C22orf31: variants seen among roughly 807,000 people sequenced by gnomAD.
C22orf31 encodes uncharacterized protein C22orf31.
Under a neutral mutation model 15.0 loss-of-function variants are expected in C22orf31, and 11 were observed. That is an observed-to-expected ratio of 0.73 (90% CI 0.46 to 1.21). The LOEUF (loss-of-function observed/expected upper bound fraction) is 1.21, where lower values mean the gene tolerates loss of function less well. C22orf31 is among the 50% of genes most tolerant of loss of function. The pLI, the probability that C22orf31 is intolerant of heterozygous loss-of-function variation, is 0.00. For synonymous variants in C22orf31, 132 were observed against 133.3 expected, an observed-to-expected ratio of 0.99 and a Z score of 0.07; for missense variants, 340 against 347.2, an observed-to-expected ratio of 0.98 and a Z score of 0.17.
At position 29,058,967 on chromosome 22, in the gene C22orf31, C is replaced by T. The variant is rs1452341634; in HGVS notation, c.648G>A (p.Leu216=). 5 of 1,613,976 alleles carry T rather than the reference C, an allele frequency of 3.1e-6. No individual in the cohort carries two copies. The highest frequency in any genetic ancestry group is 2.7e-5 in the African/African-American group (2 of 74,934). ...HGLPTEGYQA[L]YHAVVEPMLW... is the part of the protein sequence containing the mutation. ...GCATTGGCTCCACCACAGCGTGGTACAGAGCCTGGTAACCCTCTGTGGGGA... is the reference window on the plus strand; with the variant it reads ...GCATTGGCTCCACCACAGCGTGGTATAGAGCCTGGTAACCCTCTGTGGGGA... The change falls in exon 3 of 3, where the codon CTG becomes CTA. Residue 216 remains leucine, a synonymous_variant. Transcript: ENST00000216071.
At chr22:29,068,411 T>TC in the C22orf31 span, among the ~76,000 whole-genome samples, 1 of 107,946 alleles carries the variant, frequency 9.3e-6, no homozygotes, top group East Asian at 2.2e-4. Context: ...TCTTTAAATT[T>TC]CTTTTTTTTT....
At chr22:29,068,084 C>CTTTT in the C22orf31 span, among the ~76,000 whole-genome samples, 271 of 130,202 alleles carry the variant, frequency 2.1e-3, 11 homozygotes, top group African/African-American at 5.4e-3. Flanking sequence ...CAAACCCCGT[C>CTTTT]TTTTTTTTTT....
rs763878910 is a variant in C22orf31 at position 29,060,689 on chromosome 22, G to A, written c.158C>T (p.Ala53Val). 6.2e-6 allele frequency: 10 copies of A among 1,614,144 alleles called. No individual in the cohort carries two copies. The Admixed American group carries it at 1.3e-4, about 22-fold the overall frequency. Residue 53 changes from alanine to valine, a missense_variant, in exon 2 of 3, where the codon GCC (alanine) becomes GTC (valine). Transcript: ENST00000216071. Reference sequence around the variant, plus strand: ...AGAGGAAGTGGTAGCTGGTGCTGGGGCATTAATGTTCTGCTTTGCACATGT... The same window carrying A: ...AGAGGAAGTGGTAGCTGGTGCTGGGACATTAATGTTCTGCTTTGCACATGT... Reference protein sequence around the residue: ...ARTCAKQNINAPAPATTSSWE... With the variant: ...ARTCAKQNINVPAPATTSSWE...
At chr22:29,066,539 C>CTTTTTTTTTTTTTT (rs134565), upstream of C22orf31, among the ~76,000 whole-genome samples, 57 of 70,226 alleles carry the variant, frequency 8.1e-4, 5 homozygotes, top group East Asian at 1.6e-3. Flanking sequence ...CTTTTCTTTT[C>CTTTTTTTTTTTTTT]TTTTTTTTTT....
the C22orf31 span, among the ~76,000 whole-genome samples, chr22:29,067,907 G>C: frequency 6.6e-6 from 1 of 152,150 alleles, no homozygotes; most frequent in Admixed American, 6.5e-5. Flanking sequence ...CACCATACCT[G>C]GCCTAATGAC....
At chr22:29,073,596 G>T in the C22orf31 span, among the ~76,000 whole-genome samples, 1 of 151,846 alleles carries the variant, frequency 6.6e-6, no homozygotes, top group African/African-American at 2.4e-5. This position sits in a 1 kb window ranked among gnomAD's most constrained non-coding sequence, Gnocchi z 4.4. Flanking sequence ...GTCCCTCAGC[G>T]ACCCCAACCA....
At chr22:29,071,511 G>A in the C22orf31 span, among the ~76,000 whole-genome samples, 1 of 152,196 alleles carries the variant, frequency 6.6e-6, no homozygotes, top group Non-Finnish European at 1.5e-5. Context: ...CCGCCCAGCC[G>A]CGCTCTGGGT....
At chr22:29,068,554 G>T in the C22orf31 span, among the ~76,000 whole-genome samples, 3 of 151,416 alleles carry the variant, frequency 2.0e-5, no homozygotes, top group Admixed American at 6.6e-5. Context: ...GGGACTACAG[G>T]CACCTGCCAC....
At chr22:29,072,171 G>A in the C22orf31 span, among the ~76,000 whole-genome samples, 1 of 152,058 alleles carries the variant, frequency 6.6e-6, no homozygotes, top group African/African-American at 2.4e-5. Flanking sequence ...TTGAGACAGG[G>A]TCTTGCTCTG....
upstream of C22orf31, chr22:29,061,952 T>C: frequency 1.7e-6 from 1 of 588,008 alleles, no homozygotes; most frequent in East Asian, 2.9e-5. Context: ...CAAATTGCTG[T>C]TTGTTTAGAT....
chr22:29,060,099 A>G (rs1049826492), intron 2 of C22orf31: 8 of 442,078 alleles, frequency 1.8e-5, no homozygotes, highest in African/African-American at 1.2e-4. Flanking sequence ...TAGTGCAATC[A>G]TGGCTCACTG....
Position 29,059,070 on chromosome 22 carries a change from G to A in C22orf31, c.545C>T (p.Ala182Val), listed in dbSNP as rs193162306. 6.2e-6 allele frequency: 10 copies of A among 1,614,198 alleles called. No homozygotes were observed. In the Admixed American group the frequency reaches 1.3e-4, roughly 22 times the overall value. ...AGGAAGCAACACTCGGCCCTTCCAGGCTGCTGTCCCACTGTCCTGGGGTAG... is the reference window on the plus strand; with the variant it reads ...AGGAAGCAACACTCGGCCCTTCCAGACTGCTGTCCCACTGTCCTGGGGTAG... The part of the protein sequence containing the change: ...QALPQDSGTA[A>V]WKGRVLLPET... Residue 182 changes from alanine (A) to valine (V), a missense_variant, in exon 3 of 3, where the codon GCC (alanine) becomes GTC (valine). Physicochemically the swap from Ala to Val is moderately conservative, Grantham distance 64. Coordinates refer to ENST00000216071, the MANE Select transcript of C22orf31 (RefSeq NM_015370.2).
At chr22:29,068,372 G>C in the C22orf31 span, among the ~76,000 whole-genome samples, 3 of 150,562 alleles carry the variant, frequency 2.0e-5, no homozygotes, top group African/African-American at 7.3e-5. Flanking sequence ...TTACAGGCAC[G>C]AGCCATCCTG....
chr22:29,061,369 G>A (rs1267107631), intron 1 of C22orf31, among the ~76,000 whole-genome samples: 1 of 152,044 alleles, frequency 6.6e-6, no homozygotes, highest in Non-Finnish European at 1.5e-5. Flanking sequence ...CGGGCTCAAG[G>A]GATTCTTCTG....
Position 29,059,009 on chromosome 22 carries a change from C to G in C22orf31, c.606G>C (p.Thr202=). 3 of 1,614,210 alleles carry G rather than the reference C, an allele frequency of 1.9e-6. No individual in the cohort carries two copies. Among genetic ancestry groups the G allele is most frequent in the Non-Finnish European group, 2.5e-6 (3 of 1,180,040 alleles). Residue 202 remains threonine (T), a synonymous_variant, in exon 3 of 3, where the codon ACG becomes ACC. Coordinates refer to ENST00000216071, the MANE Select transcript of C22orf31 (RefSeq NM_015370.2). ...TQKRQQLSED[T]LTIHGLPTEG... is the part of the protein sequence containing the mutation. ...CTGTGGGGAGACCATGGATGGTTAG[C>G]GTGTCCTCCGACAACTGCTGTCTCT... is the stretch of plus-strand genomic sequence containing the variant.
Position 29,060,693 on chromosome 22 carries a change from T to C in C22orf31, c.154A>G (p.Asn52Asp). ...GAAGTGGTAGCTGGTGCTGGGGCATTAATGTTCTGCTTTGCACATGTTCTG... is the reference window on the plus strand; with the variant it reads ...GAAGTGGTAGCTGGTGCTGGGGCATCAATGTTCTGCTTTGCACATGTTCTG... ...MARTCAKQNI[N>D]APAPATTSSW... is the part of the protein sequence containing the mutation. Residue 52 changes from asparagine (N) to aspartate (D), a missense_variant, in exon 2 of 3, where the codon AAT becomes GAT. Physicochemically the swap from Asn to Asp is conservative, Grantham distance 23 (BLOSUM62 1). Transcript: ENST00000216071. The C allele has an allele frequency of 6.2e-7, 1 of 1,614,160 alleles. No individual in the cohort carries two copies. Among genetic ancestry groups the C allele is most frequent in the South Asian group, 1.1e-5 (1 of 91,082 alleles).
the C22orf31 span, among the ~76,000 whole-genome samples, chr22:29,068,861 T>A: frequency 6.8e-6 from 1 of 148,104 alleles, no homozygotes; most frequent in South Asian, 2.2e-4. Context: ...GTCTCCTGGG[T>A]TCAAGCCATT....
At chr22:29,066,761 A>G (rs1359905380), upstream of C22orf31, among the ~76,000 whole-genome samples, 1 of 151,344 alleles carries the variant, frequency 6.6e-6, no homozygotes, top group African/African-American at 2.4e-5. Flanking sequence ...GGGTTTCACC[A>G]TGTCAGCCAG....
intron 2 of C22orf31, chr22:29,060,016 CTTTTCTTTTTTT>C: frequency 2.9e-6 from 2 of 695,878 alleles, no homozygotes; most frequent in Non-Finnish European, 3.4e-6. Flanking sequence ...ATCTTTTTTT[CTTTTCTTTTTTT>C]TTTTTTTTTT....
Sources: allele counts gnomAD v4.1 joint callset (sites outside exome capture counted in the v4.1 genomes callset), GRCh38; gene constraint gnomAD v4.1.1; non-coding constraint Gnocchi (gnomAD v3.1); transcripts MANE v1.5; gene names NCBI Gene and HGNC (gene_info 2026-07-23, HGNC 2026-07-21).